The following GRID2 variants were observed in gnomAD, a reference collection of about 807,000 sequenced individuals.
GRID2 encodes glutamate ionotropic receptor delta type subunit 2.
A neutral mutation model predicts 114.8 loss-of-function variants in GRID2; 33 were observed. The observed-to-expected ratio is 0.29, with a 90% CI of 0.22 to 0.38. GRID2 has a LOEUF of 0.38. Among genes scored for constraint, GRID2 ranks in the 10% least tolerant of loss-of-function variants. GRID2 has a pLI of 1.00. For missense variants in GRID2, 1,184 were observed against 1,257.7 expected (o/e 0.94, Z 0.89); for synonymous variants, 505 against 449.9 (o/e 1.12, Z -1.55).
chr4:92,737,363 A>G (rs1020114485), intron 2 of GRID2, among the ~76,000 whole-genome samples: 24 of 152,096 alleles, frequency 1.6e-4, no homozygotes, highest in African/African-American at 5.8e-4. Context: ...CGATTTTGTC[A>G]GATAGAAGAG....
chr4:92,888,480 G>C (rs1284249253), intron 2 of GRID2, among the ~76,000 whole-genome samples: 3 of 151,980 alleles, frequency 2.0e-5, no homozygotes, highest in Non-Finnish European at 4.4e-5. Flanking sequence ...ACCTTGATTT[G>C]CTTAAAAGTA....
chr4:93,566,686 C>T (rs1224133738), intron 13 of GRID2, among the ~76,000 whole-genome samples: 1 of 152,054 alleles, frequency 6.6e-6, no homozygotes, highest in Non-Finnish European at 1.5e-5. Context: ...ATGAGAATCG[C>T]CTGAACCCAG....
chr4:93,662,886 C>T (rs1214879142), intron 14 of GRID2, among the ~76,000 whole-genome samples: 3 of 152,118 alleles, frequency 2.0e-5, no homozygotes, highest in Non-Finnish European at 4.4e-5. Context: ...CCACAAAACA[C>T]GAAATGTTTC....
chr4:93,344,734 T>C (rs1760029279), intron 8 of GRID2, among the ~76,000 whole-genome samples: 1 of 151,492 alleles, frequency 6.6e-6, no homozygotes, highest in Non-Finnish European at 1.5e-5. Flanking sequence ...TCATCCTGCC[T>C]AAGTAAAACT....
chr4:93,241,080 CTTGT>C lies in GRID2; in HGVS notation c.1245+2595_1245+2598del, dbSNP rs530714430. ...TTATTTTCATGTGTCAATAATTTTGCTTGTTTGTCTTTTAATTTATATTGCTGAG... is the reference window on the plus strand; with the variant it reads ...TTATTTTCATGTGTCAATAATTTTGCTTGTCTTTTAATTTATATTGCTGAG... On this transcript the variant is annotated intron_variant, in intron 8 of 15. Transcript: ENST00000282020. Among the ~76,000 whole-genome samples, 665 of 151,604 alleles carry C rather than the reference CTTGT, an allele frequency of 4.4e-3. 3 individuals are homozygous for C. The highest frequency in any genetic ancestry group is 0.01 in the Middle Eastern group (3 of 294).
chr4:93,693,300 T>C (rs1352134883), intron 14 of GRID2, among the ~76,000 whole-genome samples: 5 of 152,174 alleles, frequency 3.3e-5, no homozygotes, highest in South Asian at 2.1e-4. Context: ...TGAAGTACAA[T>C]GAACATTTGT....
intron 2 of GRID2, among the ~76,000 whole-genome samples, chr4:92,984,444 T>C (rs1275611612): frequency 6.6e-6 from 1 of 152,252 alleles, no homozygotes; most frequent in Non-Finnish European, 1.5e-5. Context: ...TTGTTTACTC[T>C]TTGTTAGAGA....
intron 2 of GRID2, among the ~76,000 whole-genome samples, chr4:92,777,294 T>C (rs1484556068): frequency 6.6e-6 from 1 of 152,112 alleles, no homozygotes; most frequent in African/African-American, 2.4e-5. Flanking sequence ...TACTATGTAA[T>C]TTTTCTCCCC....
At chr4:92,679,500 T>TA (rs1334669307) in intron 2 of GRID2, among the ~76,000 whole-genome samples, 4 of 152,066 alleles carry the variant, frequency 2.6e-5, no homozygotes, top group Non-Finnish European at 4.4e-5. Flanking sequence ...AATCAGGTAC[T>TA]AAAAATAAAT....
intron 4 of GRID2, among the ~76,000 whole-genome samples, chr4:93,113,885 A>T (rs1733001290): frequency 6.6e-6 from 1 of 152,142 alleles, no homozygotes; most frequent in Non-Finnish European, 1.5e-5. Context: ...ACCATAAATA[A>T]AACCACGGAG....
At chr4:93,367,211 T>TC (rs1428565860) in intron 8 of GRID2, among the ~76,000 whole-genome samples, 4 of 150,984 alleles carry the variant, frequency 2.6e-5, no homozygotes, top group Admixed American at 2.6e-4. Flanking sequence ...TAAGTTTTTT[T>TC]TTTTTTGGTC....
chr4:93,270,215 TACAC>T (rs34945534), intron 8 of GRID2, among the ~76,000 whole-genome samples: 31,381 of 136,950 alleles, frequency 0.23, 3,355 homozygotes, highest in Middle Eastern at 0.46. Flanking sequence ...CACACACACA[TACAC>T]ACACACACAC....
Position 92,937,528 on chromosome 4 carries a change from A to G in GRID2, c.245-147467A>G, listed in dbSNP as rs946771749. On this transcript the variant is annotated intron_variant, in intron 2 of 15. Coordinates refer to ENST00000282020, the MANE Select transcript of GRID2 (RefSeq NM_001510.4). ...CCCTGGGTTTACTTCTGAACTTCCA[A>G]TTGATCAGTATGTTTATCCTTATGC... Among the ~76,000 whole-genome samples, 10 of 146,360 alleles carry G rather than the reference A, an allele frequency of 6.8e-5. 4 individuals carry two copies. Among genetic ancestry groups the G allele is most frequent in the Admixed American group, 6.0e-4 (8 of 13,426 alleles).
At chr4:93,590,175 T>C (rs897887962) in intron 13 of GRID2, among the ~76,000 whole-genome samples, 1 of 150,850 alleles carries the variant, frequency 6.6e-6, no homozygotes, top group Admixed American at 6.6e-5. Context: ...TCTAGGGTTT[T>C]TATGGTTTTA....
At chr4:92,409,542 A>G (rs1731195623) in intron 1 of GRID2, among the ~76,000 whole-genome samples, 1 of 152,166 alleles carries the variant, frequency 6.6e-6, no homozygotes, top group South Asian at 2.1e-4. Flanking sequence ...TCACCATTTC[A>G]GACATATATT....
chr4:92,584,371 A>G (rs1728324390), intron 1 of GRID2, among the ~76,000 whole-genome samples: 1 of 152,012 alleles, frequency 6.6e-6, no homozygotes, highest in Non-Finnish European at 1.5e-5. Context: ...ATGCATTGTC[A>G]GAATTAAATT....
intron 2 of GRID2, among the ~76,000 whole-genome samples, chr4:93,024,226 T>C (rs564920798): frequency 6.6e-5 from 10 of 151,870 alleles, no homozygotes; most frequent in African/African-American, 2.4e-4. Flanking sequence ...AAATGTATTA[T>C]GCAAACAGGT....
At chr4:92,329,741 G>T (rs751305258) in intron 1 of GRID2, among the ~76,000 whole-genome samples, 79 of 151,882 alleles carry the variant, frequency 5.2e-4, no homozygotes, top group Non-Finnish European at 7.4e-5. Context: ...TGGAAGACAG[G>T]CAATAAAGGA....
At chr4:92,723,364 A>C (rs1158837533) in intron 2 of GRID2, among the ~76,000 whole-genome samples, 1 of 152,178 alleles carries the variant, frequency 6.6e-6, no homozygotes, top group Non-Finnish European at 1.5e-5. Flanking sequence ...TGAACAGTTA[A>C]AATTTGTCCA....
Sources: allele counts gnomAD v4.1 joint callset (sites outside exome capture counted in the v4.1 genomes callset), GRCh38; gene constraint gnomAD v4.1.1; transcripts MANE v1.5; gene names NCBI Gene and HGNC (gene_info 2026-07-23, HGNC 2026-07-21).